Variants in KATNBL1 observed in about 807,000 individuals in gnomAD.
The protein encoded by KATNBL1 is katanin regulatory subunit B1 like 1.
In KATNBL1, 28 loss-of-function variants were observed where a neutral mutation model predicts 44.7. The observed-to-expected ratio is 0.63, with a 90% confidence interval of 0.46 to 0.86. The LOEUF is 0.86. Among genes scored for constraint, KATNBL1 ranks in the 40% least tolerant of loss-of-function variants. The pLI is 0.00. For synonymous variants in KATNBL1, 78 were observed against 114.9 expected, an observed-to-expected ratio of 0.68 and a Z score of 2.06; for missense variants, 272 against 350.7, an observed-to-expected ratio of 0.78 and a Z score of 1.79.
At chr15:34,202,782 G>A (rs994690666) in intron 1 of KATNBL1, among the ~76,000 whole-genome samples, 3 of 152,122 alleles carry the variant, frequency 2.0e-5, no homozygotes, top group African/African-American at 7.2e-5. Context: ...CCTGAGGTCC[G>A]GAGTTCGAGA....
chr15:34,150,182 A>C (rs1297188592), intron 4 of KATNBL1, among the ~76,000 whole-genome samples: 3 of 152,258 alleles, frequency 2.0e-5, no homozygotes, highest in Non-Finnish European at 4.4e-5. Context: ...TATTAGTTAA[A>C]TGTAAGGTTT....
rs563083001 is a variant in KATNBL1, at chr15:34,141,375, T to C, written c.*964A>G. The C allele has an allele frequency of 6.6e-6, 1 of 152,478 alleles. No homozygotes were observed. The highest frequency in any genetic ancestry group is 1.5e-5 in the Non-Finnish European group (1 of 67,918). The allele number at this position is 152,478 out of a possible 1,614,324, so 9.4% of individuals were successfully genotyped here. A position where few individuals can be genotyped will look rare whatever the true frequency, so the allele number is the denominator to read the frequency against. ...AAAAAGAATTAGAATTCATATAAAA[T>C]CAGAATTTAAAAAAGCAAAAAATAG... is the stretch of plus-strand genomic sequence containing the variant. On this transcript the variant is annotated 3_prime_UTR_variant, in exon 10 of 10. Transcript: ENST00000256544.
chr15:34,196,058 AAAAAT>A (rs1347792385), intron 1 of KATNBL1, among the ~76,000 whole-genome samples: 2 of 152,196 alleles, frequency 1.3e-5, no homozygotes, highest in East Asian at 3.8e-4. Context: ...GCTTCAGAGA[AAAAAT>A]AAAATAAAAA....
rs537479492 is a variant in KATNBL1 at position 34,197,181 on chromosome 15, G to A, written c.-15+12770C>T. Among the ~76,000 whole-genome samples the A allele has an allele frequency of 2.5e-4, 38 of 152,298 alleles. 1 individual carries two copies. The Middle Eastern group carries it at 0.031, about 123-fold the overall frequency. On this transcript the variant is annotated intron_variant, in intron 1 of 9. Coordinates refer to ENST00000256544, the MANE Select transcript of KATNBL1 (RefSeq NM_024713.3). ...TTTTACCTTTGAAAATCTGACAAAC[G>A]ATGAACAATGTCATGTTTTAGTTTG...
intron 1 of KATNBL1, among the ~76,000 whole-genome samples, chr15:34,171,493 G>A (rs981762543): frequency 1.8e-4 from 28 of 152,218 alleles, no homozygotes; most frequent in African/African-American, 5.8e-4. Context: ...TGGTGGGAAT[G>A]TAAATTGGTT....
intron 1 of KATNBL1, among the ~76,000 whole-genome samples, chr15:34,203,539 G>A (rs1229641398): frequency 6.6e-6 from 1 of 152,070 alleles, no homozygotes; most frequent in East Asian, 1.9e-4. Context: ...ATTCTCTATA[G>A]CAGTACCCTG....
intron 1 of KATNBL1, among the ~76,000 whole-genome samples, chr15:34,190,603 C>G (rs570212569): frequency 2.0e-5 from 3 of 152,166 alleles, no homozygotes; most frequent in Non-Finnish European, 2.9e-5. Context: ...ATTTGAGCAT[C>G]AATAGAAAGC....
chr15:34,162,186 T>A (rs2140928018), intron 2 of KATNBL1, among the ~76,000 whole-genome samples: 1 of 152,198 alleles, frequency 6.6e-6, no homozygotes, highest in East Asian at 1.9e-4. Context: ...CCAAATCTCA[T>A]CTTGAATTAT....
At chr15:34,182,769 C>T (rs73380107) in intron 1 of KATNBL1, among the ~76,000 whole-genome samples, 26,837 of 152,062 alleles carry the variant, frequency 0.18, 2,625 homozygotes, top group Middle Eastern at 0.31. Flanking sequence ...CTACATATTA[C>T]ATAACTTCAT....
intron 1 of KATNBL1, among the ~76,000 whole-genome samples, chr15:34,199,254 T>A (rs146007160): frequency 6.6e-6 from 1 of 152,124 alleles, no homozygotes; most frequent in Non-Finnish European, 1.5e-5. Flanking sequence ...CTGGCCAACA[T>A]GGCAAAACCC....
chr15:34,172,845 T>C (rs1253558957), intron 1 of KATNBL1, among the ~76,000 whole-genome samples: 1 of 151,936 alleles, frequency 6.6e-6, no homozygotes, highest in Non-Finnish European at 1.5e-5. Context: ...TCCAAAGAAC[T>C]GTATGTCAAC....
intron 1 of KATNBL1, among the ~76,000 whole-genome samples, chr15:34,182,410 G>A (rs1164811171): frequency 6.6e-6 from 1 of 152,128 alleles, no homozygotes; most frequent in South Asian, 2.1e-4. Context: ...AGGCAAATTT[G>A]ACAGCATTGT....
intron 1 of KATNBL1, among the ~76,000 whole-genome samples, chr15:34,193,242 A>AAAC (rs1889938573): frequency 2.1e-5 from 3 of 143,316 alleles, no homozygotes; most frequent in Admixed American, 6.9e-5. Flanking sequence ...AAAACAAAAA[A>AAAC]AAAACTTAAG....
chr15:34,165,031 C>T (rs1391180968), intron 1 of KATNBL1, among the ~76,000 whole-genome samples: 1 of 152,150 alleles, frequency 6.6e-6, no homozygotes, highest in Non-Finnish European at 1.5e-5. Context: ...AATGGACAAC[C>T]CTTCCACCTG....
intron 1 of KATNBL1, among the ~76,000 whole-genome samples, chr15:34,174,222 T>C (rs968442778): frequency 6.6e-6 from 1 of 152,206 alleles, no homozygotes; most frequent in Admixed American, 6.5e-5. Flanking sequence ...GATTTCTACA[T>C]TTCACTCAAA....
At position 34,210,077 on chromosome 15, in the gene KATNBL1, C is replaced by T. The variant is rs1440015532; in HGVS notation, c.-141G>A. 1 of 151,362 alleles carries T rather than the reference C, an allele frequency of 6.6e-6. No individual in the cohort carries two copies. The highest frequency in any genetic ancestry group is 2.4e-5 in the African/African-American group (1 of 41,336). The allele number at this position is 151,362 out of a possible 1,614,324, so 9.4% of individuals were successfully genotyped here. A position where few individuals can be genotyped will look rare whatever the true frequency, so the allele number is the denominator to read the frequency against. ...AGGGCCATTCAAACGCGGCCGCGCG[C>T]GCGGCCCGCCGGGATAGCTGGCGCT... On this transcript the variant is annotated 5_prime_UTR_variant, in exon 1 of 10. Transcript: ENST00000256544.
At chr15:34,191,392 G>GT (rs1261597553) in intron 1 of KATNBL1, among the ~76,000 whole-genome samples, 1 of 151,814 alleles carries the variant, frequency 6.6e-6, no homozygotes, top group African/African-American at 2.4e-5. Context: ...TAAAATTACT[G>GT]TAAGTCATGT....
At chr15:34,161,695 AGG>A (rs985567045) in intron 2 of KATNBL1, among the ~76,000 whole-genome samples, 1 of 152,176 alleles carries the variant, frequency 6.6e-6, no homozygotes, top group Non-Finnish European at 1.5e-5. Context: ...TAAAGAGAGC[AGG>A]GGTATGAGCT....
rs1235366940 is a variant in KATNBL1 at position 34,181,840 on chromosome 15, A to ATC, written c.-14-18151_-14-18150insGA. Among the ~76,000 whole-genome samples, 48 of 53,980 alleles carry ATC rather than the reference A, an allele frequency of 8.9e-4. 5 individuals are homozygous for ATC. In the South Asian group the frequency reaches 0.016, roughly 17 times the overall value. 35.4% of individuals were successfully genotyped at this position (53,980 alleles called of 152,430 possible). A position where few individuals can be genotyped will look rare whatever the true frequency, so the allele number is the denominator to read the frequency against. ...CATGTCCATATATATCCATATATAT[A>ATC]CACATATATATAGTCCATATATATA... On this transcript the variant is annotated intron_variant, in intron 1 of 9. Transcript: ENST00000256544.
Sources: allele counts gnomAD v4.1 joint callset (sites outside exome capture counted in the v4.1 genomes callset), GRCh38; gene constraint gnomAD v4.1.1; transcripts MANE v1.5; gene names NCBI Gene and HGNC (gene_info 2026-07-23, HGNC 2026-07-21).